CNTN3: variants seen among roughly 807,000 people sequenced by gnomAD.
The protein encoded by CNTN3 is contactin-3.
Under a neutral mutation model 119.1 loss-of-function variants are expected in CNTN3, and 60 were observed. The ratio of observed to expected loss-of-function variants is 0.50; its 90% CI spans 0.41 to 0.62. The LOEUF is 0.62. CNTN3 is among the 20% of genes least tolerant of loss of function. The probability of loss-of-function intolerance (pLI) is 0.00; values close to 1 mark genes in which losing one functional copy is unlikely to be tolerated. For synonymous variants in CNTN3, 450 were observed against 438.7 expected (o/e 1.03, Z -0.32); for missense variants, 1,101 against 1,242.4 (o/e 0.89, Z 1.71).
intron 3 of CNTN3, among the ~76,000 whole-genome samples, chr3:74,494,280 C>A (rs942295040): frequency 1.3e-5 from 2 of 151,964 alleles, no homozygotes; most frequent in African/African-American, 4.8e-5. Context: ...ATTCCCCTTG[C>A]CCCACTGAAA....
At chr3:74,288,075 TAA>T (rs1702148681) in intron 19 of CNTN3, among the ~76,000 whole-genome samples, 1 of 152,112 alleles carries the variant, frequency 6.6e-6, no homozygotes, top group African/African-American at 2.4e-5. Context: ...ACCTAATGCA[TAA>T]GTCTTTTTTT....
At chr3:74,466,076 T>G (rs534181283) in intron 4 of CNTN3, among the ~76,000 whole-genome samples, 116 of 152,254 alleles carry the variant, frequency 7.6e-4, no homozygotes, top group African/African-American at 2.8e-3. Flanking sequence ...TTCTATTGCT[T>G]GTCACTGAAA....
chr3:74,454,840 C>G (rs1176119820), intron 4 of CNTN3, among the ~76,000 whole-genome samples: 2 of 152,144 alleles, frequency 1.3e-5, no homozygotes, highest in East Asian at 3.9e-4. Context: ...TTGGCCCCCA[C>G]TCTCTTCTGG....
At chr3:74,466,603 A>G (rs113767164) in intron 4 of CNTN3, among the ~76,000 whole-genome samples, 1 of 152,140 alleles carries the variant, frequency 6.6e-6, no homozygotes, top group Non-Finnish European at 1.5e-5. Context: ...ATGGAGGAAA[A>G]TGTACCTAAA....
intron 1 of CNTN3, among the ~76,000 whole-genome samples, chr3:74,596,044 A>T (rs942832234): frequency 5.3e-5 from 8 of 151,838 alleles, no homozygotes; most frequent in Non-Finnish European, 7.4e-5. Context: ...TATACACCAA[A>T]AACAGACAGA....
chr3:74,518,064 A>G (rs2107116859), intron 2 of CNTN3, among the ~76,000 whole-genome samples: 1 of 152,082 alleles, frequency 6.6e-6, no homozygotes, highest in East Asian at 1.9e-4. Context: ...TGAGACTGCT[A>G]TTTTAAGAAC....
chr3:74,294,798 T>C (rs1575703999), intron 19 of CNTN3, among the ~76,000 whole-genome samples: 2 of 152,064 alleles, frequency 1.3e-5, no homozygotes, highest in African/African-American at 4.8e-5. Context: ...TGACTTCCTG[T>C]TGATGAAAGT....
At chr3:74,423,533 G>A (rs575555935) in intron 5 of CNTN3, among the ~76,000 whole-genome samples, 1 of 152,284 alleles carries the variant, frequency 6.6e-6, no homozygotes, top group Non-Finnish European at 1.5e-5. Context: ...ACGTCCTTCT[G>A]GGTGGTGTAT....
intron 11 of CNTN3, among the ~76,000 whole-genome samples, chr3:74,343,779 G>A (rs1703606841): frequency 6.6e-6 from 1 of 152,210 alleles, no homozygotes; most frequent in African/African-American, 2.4e-5. Context: ...AATGCCCACT[G>A]CCGGGCCCAC....
At chr3:74,361,374 C>T (rs1051411970) in intron 11 of CNTN3, among the ~76,000 whole-genome samples, 1 of 152,188 alleles carries the variant, frequency 6.6e-6, no homozygotes. Flanking sequence ...TCCAGGTGGT[C>T]TAGCTCCAGA....
chr3:74,449,714 G>A (rs1010611355), intron 4 of CNTN3, among the ~76,000 whole-genome samples: 7 of 152,070 alleles, frequency 4.6e-5, no homozygotes, highest in South Asian at 4.1e-4. Flanking sequence ...TGGGTTGGCT[G>A]AAGTCATTTC....
At position 74,361,921 on chromosome 3, in the gene CNTN3, T is replaced by C; in HGVS notation, c.1333A>G (p.Lys445Glu). The C allele has an allele frequency of 6.2e-7, 1 of 1,613,516 alleles. No homozygotes were observed. Residue 445 changes from lysine (K) to glutamate (E), a missense_variant, in exon 11 of 23, where the codon AAG becomes GAG. Coordinates refer to ENST00000263665, the MANE Select transcript of CNTN3 (RefSeq NM_020872.3). Reference protein sequence around the residue: ...ASPRALSSWKKGDVSVQEHER... With the variant: ...ASPRALSSWKEGDVSVQEHER... ...TGCTCCTGCACGCTCACATCCCCCT[T>C]CTTCCAGGAAGAGAGTGCCCTTGGG...
chr3:74,493,451 C>T (rs374080788), intron 3 of CNTN3, among the ~76,000 whole-genome samples: 32 of 152,234 alleles, frequency 2.1e-4, no homozygotes, highest in African/African-American at 7.0e-4. Context: ...ATACAAACAA[C>T]ATTCTAGAGA....
At chr3:74,553,552 A>C (rs1295513504) in intron 1 of CNTN3, among the ~76,000 whole-genome samples, 1 of 152,208 alleles carries the variant, frequency 6.6e-6, no homozygotes, top group Admixed American at 6.5e-5. Context: ...ACTCCCACCA[A>C]CAGTGTAAAA....
At chr3:74,530,833 C>T (rs1166799461) in intron 1 of CNTN3, among the ~76,000 whole-genome samples, 1 of 151,856 alleles carries the variant, frequency 6.6e-6, no homozygotes, top group East Asian at 1.9e-4. Flanking sequence ...AGGGAGAGTG[C>T]AGCACTACAT....
chr3:74,590,859 C>A (rs1434911439), intron 1 of CNTN3, among the ~76,000 whole-genome samples: 3 of 151,970 alleles, frequency 2.0e-5, no homozygotes, highest in Non-Finnish European at 4.4e-5. Flanking sequence ...TCAATGGGAA[C>A]CCAGTCAACA....
intron 4 of CNTN3, among the ~76,000 whole-genome samples, chr3:74,484,398 A>G (rs1575770992): frequency 6.6e-6 from 1 of 152,194 alleles, no homozygotes; most frequent in East Asian, 1.9e-4. Flanking sequence ...ACAGGAAGTC[A>G]TAGGAAAGAA....
In CNTN3 at chr3:74,334,610, C is replaced by T. The variant is rs1010821890; in HGVS notation, c.1668+125G>A. ...TAGATCAAAACAGAACTGAGAACCA[C>T]TCAACCAAAACCACTTATTTAGAAA... On this transcript the variant is annotated intron_variant, in intron 13 of 22. Transcript: ENST00000263665. 5 of 827,348 alleles carry T rather than the reference C, an allele frequency of 6.0e-6. No individual in the cohort carries two copies. The African/African-American group carries it at 8.7e-5, about 14-fold the overall frequency. The allele number at this position is 827,348 out of a possible 1,614,324, so 51.3% of individuals were successfully genotyped here.
intron 5 of CNTN3, among the ~76,000 whole-genome samples, chr3:74,424,571 T>C (rs980064144): frequency 2.0e-5 from 3 of 151,862 alleles, no homozygotes; most frequent in Admixed American, 6.6e-5. Context: ...AATGGTGTAA[T>C]GACAAAGCAT....
Sources: allele counts gnomAD v4.1 joint callset (sites outside exome capture counted in the v4.1 genomes callset), GRCh38; gene constraint gnomAD v4.1.1; transcripts MANE v1.5; gene names NCBI Gene and HGNC (gene_info 2026-07-23, HGNC 2026-07-21).